FAM184B: variants seen among roughly 807,000 people sequenced by gnomAD.
FAM184B encodes the protein family with sequence similarity 184 member B.
In FAM184B, 111 loss-of-function variants were observed where a neutral mutation model predicts 135.9. The ratio of observed to expected loss-of-function variants is 0.82; its 90% CI spans 0.70 to 0.96. FAM184B has a LOEUF of 0.96. FAM184B is among the 40% of genes least tolerant of loss of function. The pLI, the probability that FAM184B is intolerant of heterozygous loss-of-function variation, is 0.00. For missense variants in FAM184B, 1,375 were observed against 1,323.9 expected (o/e 1.04, Z -0.60); for synonymous variants, 552 against 524.8 (o/e 1.05, Z -0.71).
chr4:17,695,003 C>CCTGG (rs10657804), intron 5 of FAM184B, among the ~76,000 whole-genome samples: 91,880 of 151,260 alleles, frequency 0.61, 28,323 homozygotes, highest in East Asian at 0.88. Context: ...CTGCAAAGGC[C>CCTGG]CTGGAATGTT....
At chr4:17,711,628 A>G (rs1364844440) in intron 1 of FAM184B, among the ~76,000 whole-genome samples, 1 of 152,148 alleles carries the variant, frequency 6.6e-6, no homozygotes, top group Admixed American at 6.6e-5. Flanking sequence ...CTGCCACTGC[A>G]CTCCAGCCTG....
intron 1 of FAM184B, among the ~76,000 whole-genome samples, chr4:17,723,729 C>T (rs1040442484): frequency 2.0e-5 from 3 of 152,164 alleles, no homozygotes; most frequent in Non-Finnish European, 4.4e-5. Flanking sequence ...AATGTCTAGG[C>T]AGGACACGGA....
At chr4:17,686,704 G>T (rs1018311092) in intron 7 of FAM184B, among the ~76,000 whole-genome samples, 1 of 152,248 alleles carries the variant, frequency 6.6e-6, no homozygotes, top group Non-Finnish European at 1.5e-5. Context: ...CCCTTTGGGA[G>T]GCCAAGAAAG....
At chr4:17,685,227 A>G (rs1716552161) in intron 7 of FAM184B, among the ~76,000 whole-genome samples, 1 of 150,238 alleles carries the variant, frequency 6.7e-6, no homozygotes, top group Non-Finnish European at 1.5e-5. Flanking sequence ...AAGAAACCGA[A>G]CTCATTGAAA....
intron 2 of FAM184B, among the ~76,000 whole-genome samples, 183 bp downstream of exon 2, chr4:17,708,709 A>ATATATATATATTGTGTGT (rs3066655): frequency 2.6e-5 from 1 of 38,838 alleles, no homozygotes; most frequent in Non-Finnish European, 4.7e-5. Flanking sequence ...ATATATATAT[A>ATATATATATATTGTGTGT]GTGTCTGTGT....
intron 1 of FAM184B, among the ~76,000 whole-genome samples, chr4:17,751,074 G>C (rs1436260880): frequency 6.6e-6 from 1 of 152,046 alleles, no homozygotes; most frequent in Non-Finnish European, 1.5e-5. Flanking sequence ...TTGAGAGGCT[G>C]AGGAGGGTGG....
At chr4:17,651,760 A>G (rs1715623523) in intron 11 of FAM184B, among the ~76,000 whole-genome samples, 1 of 152,094 alleles carries the variant, frequency 6.6e-6, no homozygotes, top group Non-Finnish European at 1.5e-5. Context: ...ATTCCTACCC[A>G]AAGTTACACA....
intron 1 of FAM184B, among the ~76,000 whole-genome samples, chr4:17,757,122 A>G (rs969820422): frequency 3.9e-5 from 6 of 152,208 alleles, no homozygotes; most frequent in Non-Finnish European, 7.4e-5. Context: ...AATCGAATCA[A>G]TCTTCTAGAC....
In FAM184B at chr4:17,691,685, CA is replaced by C. The variant is rs56857959; in HGVS notation, c.1488+1616del. The stretch of plus-strand genomic sequence containing the variant: ...TGGGCGATAGAGTGAGATTCCATCT[CA>C]AAAAAAAAAAAAAAAAGAAAGGAAA... On this transcript the variant is annotated intron_variant, in intron 6 of 17. Coordinates refer to ENST00000265018, the MANE Select transcript of FAM184B (RefSeq NM_015688.2). Among the ~76,000 whole-genome samples the C allele has an allele frequency of 6.0e-3, 552 of 92,502 alleles. 2 individuals carry two copies. Among genetic ancestry groups the C allele is most frequent in the African/African-American group, 0.019 (444 of 23,754 alleles). 60.7% of individuals were successfully genotyped at this position (92,502 alleles called of 152,430 possible). A position where few individuals can be genotyped will look rare whatever the true frequency, so the allele number is the denominator to read the frequency against.
In FAM184B at chr4:17,664,630, C is replaced by T. The variant is rs1232051921; in HGVS notation, c.1626G>A (p.Ser542=). ...QDPCLKLDET[S]PRGEEYQDKL... ...TATCTTGATACTCCTCTCCTCTCGG[C>T]GAAGTTTCATCCAGCTTCAAGCATG... Residue 542 remains serine, a synonymous_variant, in exon 8 of 18, where the codon TCG becomes TCA. Coordinates refer to ENST00000265018, the MANE Select transcript of FAM184B (RefSeq NM_015688.2). 4.5e-6 allele frequency: 7 copies of T among 1,549,424 alleles called. No individual in the cohort carries two copies. Among genetic ancestry groups the T allele is most frequent in the East Asian group, 4.9e-5 (2 of 40,860 alleles).
intron 1 of FAM184B, among the ~76,000 whole-genome samples, chr4:17,747,608 G>A (rs528000088): frequency 5.9e-4 from 90 of 152,056 alleles, no homozygotes; most frequent in African/African-American, 2.1e-3. Flanking sequence ...CTGGGCCATC[G>A]TGGTGAAATC....
intron 7 of FAM184B, among the ~76,000 whole-genome samples, chr4:17,686,873 T>A: frequency 6.6e-6 from 1 of 152,052 alleles, no homozygotes. Context: ...GGCCAGGAGG[T>A]TGAGGCTGCG....
intron 9 of FAM184B, among the ~76,000 whole-genome samples, chr4:17,659,513 G>A (rs1218342380): frequency 1.3e-5 from 2 of 151,894 alleles, no homozygotes; most frequent in Non-Finnish European, 1.5e-5. Context: ...TTGAGACAGA[G>A]TCTTGCTCTG....
chr4:17,657,554 C>T (rs1416979085), intron 10 of FAM184B, among the ~76,000 whole-genome samples: 2 of 152,116 alleles, frequency 1.3e-5, no homozygotes, highest in African/African-American at 4.8e-5. Context: ...GTAGAAGGCG[C>T]TGGATGAAAC....
intron 1 of FAM184B, among the ~76,000 whole-genome samples, chr4:17,711,392 C>T (rs547186411): frequency 1.3e-5 from 2 of 152,132 alleles, no homozygotes; most frequent in South Asian, 2.1e-4. Context: ...GGAGGAGAAT[C>T]GCTTGAACCT....
At chr4:17,774,223 C>A (rs1203435339) in intron 1 of FAM184B, among the ~76,000 whole-genome samples, 1 of 152,140 alleles carries the variant, frequency 6.6e-6, no homozygotes, top group African/African-American at 2.4e-5. Context: ...CCAAAAAAAG[C>A]CGGACGTGGC....
intron 13 of FAM184B, among the ~76,000 whole-genome samples, chr4:17,639,760 C>G (rs1440603979): frequency 6.6e-6 from 1 of 151,904 alleles, no homozygotes; most frequent in African/African-American, 2.4e-5. Context: ...ATGGCCTGAA[C>G]GCTGGGACTC....
Position 17,642,091 on chromosome 4 carries a change from A to T in FAM184B, c.2484T>A (p.His828Gln). The T allele has an allele frequency of 6.5e-7, 1 of 1,532,484 alleles. No individual in the cohort carries two copies. The highest frequency in any genetic ancestry group is 8.7e-7 in the Non-Finnish European group (1 of 1,145,226). 94.9% of individuals were successfully genotyped at this position (1,532,484 alleles called of 1,614,324 possible). Residue 828 changes from histidine to glutamine, a missense_variant, in exon 13 of 18, where the codon CAT (histidine) becomes CAA (glutamine). Physicochemically the swap from His to Gln is conservative, Grantham distance 24 (BLOSUM62 0). Transcript: ENST00000265018. ...VRRLRAEVEQHQQEAQKLRDQ... is the reference protein window; with the variant it reads ...VRRLRAEVEQQQQEAQKLRDQ... ...CTCGGAGCTTCTGCGCCTCCTGCTG[A>T]TGCTGCTCCACCTCCGCGCGCAGCC...
chr4:17,665,586 A>G (rs1041599202), intron 7 of FAM184B, among the ~76,000 whole-genome samples: 2 of 152,114 alleles, frequency 1.3e-5, no homozygotes, highest in African/African-American at 4.8e-5. Context: ...GCTGGCTTAT[A>G]TCTGTAGTGA....
Sources: allele counts gnomAD v4.1 joint callset (sites outside exome capture counted in the v4.1 genomes callset), GRCh38; gene constraint gnomAD v4.1.1; transcripts MANE v1.5; gene names NCBI Gene and HGNC (gene_info 2026-07-23, HGNC 2026-07-21).